The following MCM9 variants were observed in gnomAD, a reference collection of about 807,000 sequenced individuals.
MCM9 encodes DNA helicase MCM9.
MCM9 carries 55 observed loss-of-function variants against 72.8 expected under a neutral mutation model. The ratio of observed to expected loss-of-function variants is 0.76; its 90% CI spans 0.61 to 0.95. The LOEUF (loss-of-function observed/expected upper bound fraction) is 0.95. Ranked by LOEUF, MCM9 falls within the 40% of genes least tolerant of loss-of-function variation. MCM9 has a pLI of 0.00. For missense variants in MCM9, 1,279 were observed against 1,377.0 expected (o/e 0.93, Z 1.13); for synonymous variants, 480 against 503.4 (o/e 0.95, Z 0.62).
At chr6:118,840,675 C>T (rs1315302938) in intron 9 of MCM9, among the ~76,000 whole-genome samples, 1 of 151,590 alleles carries the variant, frequency 6.6e-6, no homozygotes, top group Non-Finnish European at 1.5e-5. Flanking sequence ...ATGGTATTCT[C>T]ACAATCCATT....
chr6:118,816,797 T>C (rs780459967), intron 13 of MCM9, among the ~76,000 whole-genome samples: 21 of 152,194 alleles, frequency 1.4e-4, no homozygotes, highest in Admixed American at 9.2e-4. Flanking sequence ...CTTTACCCAG[T>C]TGAGGTACTG....
chr6:118,861,979 C>T lies in MCM9; in HGVS notation c.1151-5434G>A, dbSNP rs144758315. ...TAGGCCCATGCTGAGCTACCTTCAG[C>T]CCCCCGACATCCTCCCTCCCTGAGC... On this transcript the variant is annotated intron_variant, in intron 8 of 13. Coordinates refer to ENST00000619706, the MANE Select transcript of MCM9 (RefSeq NM_017696.3). Among the ~76,000 whole-genome samples, 1,338 of 152,256 alleles carry T rather than the reference C, an allele frequency of 8.8e-3. 51 individuals are homozygous for T. In the East Asian group the frequency reaches 0.093, roughly 11 times the overall value.
intron 9 of MCM9, among the ~76,000 whole-genome samples, chr6:118,837,167 T>G (rs1280107854): frequency 1.3e-5 from 2 of 152,222 alleles, no homozygotes; most frequent in East Asian, 1.9e-4. Flanking sequence ...CATGTAGTTG[T>G]GCAGTTTTGA....
rs1562407098 is a variant in MCM9, at chr6:118,843,668, A to ATATGTGTATATATATACG, written c.1325+12702_1325+12703insCGTATATATATACACATA. Among the ~76,000 whole-genome samples the ATATGTGTATATATATACG allele has an allele frequency of 3.4e-4, 19 of 55,438 alleles. 3 individuals are homozygous for ATATGTGTATATATATACG. The highest frequency in any genetic ancestry group is 1.4e-3 in the African/African-American group (19 of 13,644). 36.4% of individuals were successfully genotyped at this position (55,438 alleles called of 152,430 possible). The stretch of plus-strand genomic sequence containing the variant: ...TATATATATATATGTGTATATATAT[A>ATATGTGTATATATATACG]TGTATGTATATATATATGTGTATAT... On this transcript the variant is annotated intron_variant, in intron 9 of 13. Transcript: ENST00000619706.
At position 118,826,130 on chromosome 6, in the gene MCM9, G is replaced by T; in HGVS notation, c.1961+17C>A. On this transcript the variant is annotated intron_variant, in intron 13 of 13. Transcript: ENST00000619706. ...AGGATTTTCCATTGTATGCCTTTCTGGGTTTTCATTCCTCACCTTTCAAGT... is the reference window on the plus strand; with the variant it reads ...AGGATTTTCCATTGTATGCCTTTCTTGGTTTTCATTCCTCACCTTTCAAGT... 6.5e-7 allele frequency: 1 copy of T among 1,541,430 alleles called. No individual in the cohort carries two copies. Among genetic ancestry groups the T allele is most frequent in the South Asian group, 1.2e-5 (1 of 83,258 alleles).
intron 13 of MCM9, among the ~76,000 whole-genome samples, chr6:118,821,462 G>A (rs1773803635): frequency 6.6e-6 from 1 of 152,150 alleles, no homozygotes; most frequent in Non-Finnish European, 1.5e-5. Context: ...ACTGTCTTCT[G>A]GCTTGTAGGG....
chr6:118,863,876 C>T (rs1777055005), intron 8 of MCM9, among the ~76,000 whole-genome samples: 1 of 151,904 alleles, frequency 6.6e-6, no homozygotes, highest in South Asian at 2.1e-4. Flanking sequence ...TTATAAACTA[C>T]CCAGTCTTAG....
Position 118,931,715 on chromosome 6 carries a change from G to A in MCM9, c.9C>T (p.Ser3=), listed in dbSNP as rs764165574. Residue 3 remains serine (S), a synonymous_variant, in exon 3 of 14, where the codon AGC becomes AGT. Transcript: ENST00000619706. MN[S]DQVTLVGQVF... is the part of the protein sequence containing the mutation. ...CTTGACCAACCAGTGTAACTTGATC[G>A]CTATTCATCTTGAATCTAGGTAACT... 1.1e-5 allele frequency: 17 copies of A among 1,603,882 alleles called. No individual in the cohort carries two copies. In the East Asian group the frequency reaches 1.1e-4, roughly 11 times the overall value.
At chr6:118,846,793 A>G (rs748085112) in intron 9 of MCM9, among the ~76,000 whole-genome samples, 7 of 151,874 alleles carry the variant, frequency 4.6e-5, no homozygotes, top group Non-Finnish European at 1.0e-4. Context: ...TTAGTATACC[A>G]TCCAACCTCA....
rs759644503 is a variant in MCM9 at position 118,907,396 on chromosome 6, C to T, written c.1150+4254G>A. 10 of 1,570,320 alleles carry T rather than the reference C, an allele frequency of 6.4e-6. No individual in the cohort carries two copies. The African/African-American group carries it at 1.1e-4, about 17-fold the overall frequency. On this transcript the variant is annotated intron_variant, in intron 8 of 13. Coordinates refer to ENST00000619706, the MANE Select transcript of MCM9 (RefSeq NM_017696.3). The stretch of plus-strand genomic sequence containing the variant: ...TTACCATTTGTATGTTTCCTTTTTC[C>T]TCTAGCTTCAAAGGAATATTTTGGC...
Position 118,927,581 on chromosome 6 carries a change from G to C in MCM9, c.305-3454C>G, listed in dbSNP as rs531297782. ...GATCGTGCCACTGTACTCCAGACTG[G>C]GCAACAAGAGCAAAACTCTTGTCTC... On this transcript the variant is annotated intron_variant, in intron 3 of 13. Transcript: ENST00000619706. Among the ~76,000 whole-genome samples, 5 of 151,902 alleles carry C rather than the reference G, an allele frequency of 3.3e-5. No individual in the cohort carries two copies. The East Asian group carries it at 9.7e-4, about 29-fold the overall frequency.
intron 9 of MCM9, among the ~76,000 whole-genome samples, chr6:118,831,443 A>T (rs377076369): frequency 1.6e-4 from 24 of 152,112 alleles, no homozygotes; most frequent in African/African-American, 5.8e-4. Context: ...AATAGGAGCA[A>T]GGAAAATACG....
chr6:118,896,238 G>C (rs1469367605), intron 8 of MCM9, among the ~76,000 whole-genome samples: 2 of 151,806 alleles, frequency 1.3e-5, no homozygotes, highest in Non-Finnish European at 2.9e-5. Context: ...GCAGCTACCA[G>C]GCCCATTTTT....
In MCM9 at chr6:118,843,692, A is replaced by ATATATATGTG. The variant is rs1554257143; in HGVS notation, c.1325+12678_1325+12679insCACATATATA. The stretch of plus-strand genomic sequence containing the variant: ...TATGTATGTATATATATATGTGTAT[A>ATATATATGTG]TATATATATATGTATGTATATATAT... On this transcript the variant is annotated intron_variant, in intron 9 of 13. Coordinates refer to ENST00000619706, the MANE Select transcript of MCM9 (RefSeq NM_017696.3). 3.0e-3 allele frequency among the ~76,000 whole-genome samples: 193 copies of ATATATATGTG among 63,766 alleles called. 12 individuals are homozygous for ATATATATGTG. Among genetic ancestry groups the ATATATATGTG allele is most frequent in the African/African-American group, 0.012 (184 of 14,996 alleles). 41.8% of individuals were successfully genotyped at this position (63,766 alleles called of 152,430 possible).
At chr6:118,862,657 C>T (rs371694595) in intron 8 of MCM9, among the ~76,000 whole-genome samples, 5 of 152,056 alleles carry the variant, frequency 3.3e-5, no homozygotes, top group East Asian at 1.9e-4. Flanking sequence ...GGTGGTAATG[C>T]GAGCAATGGG....
rs1780562123 is a variant in MCM9, at chr6:118,911,681, CA to C, written c.1118del (p.Val373GlyfsTer2). 1.2e-6 allele frequency: 2 copies of C among 1,613,556 alleles called. No homozygotes were observed. The highest frequency in any genetic ancestry group is 2.2e-5 in the East Asian group (1 of 44,836). ...TAGTAGATCCAATTCCTGTGGTCAG[CA>C]CAGATCTTGGTGTAATCTTTGCTGC... ...KYAAKITPRS[V>X]LTTGIGSTSA... is the part of the protein sequence containing the mutation. On this transcript the variant is annotated frameshift_variant, in exon 8 of 14. Transcript: ENST00000619706. LOFTEE classifies it high-confidence loss of function.
At position 118,814,825 on chromosome 6, in the gene MCM9, T is replaced by C; in HGVS notation, c.3431A>G (p.Ter1144TrpextTer29). The C allele has an allele frequency of 6.7e-7, 1 of 1,491,094 alleles. No homozygotes were observed. The allele number at this position is 1,491,094 out of a possible 1,614,324, so 92.4% of individuals were successfully genotyped here. A position where few individuals can be genotyped will look rare whatever the true frequency, so the allele number is the denominator to read the frequency against. The stretch of plus-strand genomic sequence containing the variant: ...ATTTGACCAGAAAGCTTTTCCCAAC[T>C]ATGACTTTTTTCTCATCTCTTCATC... ...DWDEEMRKKS[*>W] is the part of the protein sequence containing the mutation. Residue 1144 changes from the stop codon to tryptophan (W), a stop_lost, in exon 14 of 14, where the codon TAG becomes TGG. Transcript: ENST00000619706.
At chr6:118,880,906 A>T (rs1236224574) in intron 8 of MCM9, among the ~76,000 whole-genome samples, 1 of 152,242 alleles carries the variant, frequency 6.6e-6, no homozygotes, top group Non-Finnish European at 1.5e-5. Context: ...CCCCCAGTGC[A>T]TGCCTGAAAG....
intron 4 of MCM9, among the ~76,000 whole-genome samples, chr6:118,923,249 T>C (rs979913838): frequency 3.3e-5 from 5 of 151,428 alleles, no homozygotes; most frequent in African/African-American, 1.2e-4. Context: ...CAAATAAGAG[T>C]GGGTCCAAAC....
Sources: allele counts gnomAD v4.1 joint callset (sites outside exome capture counted in the v4.1 genomes callset), GRCh38; gene constraint gnomAD v4.1.1; transcripts MANE v1.5; gene names NCBI Gene and HGNC (gene_info 2026-07-23, HGNC 2026-07-21).